The following ESRRG variants were observed in gnomAD, a reference collection of about 807,000 sequenced individuals.
ESRRG encodes estrogen-related receptor gamma.
A neutral mutation model predicts 44.0 loss-of-function variants in ESRRG; 13 were observed. The ratio of observed to expected loss-of-function variants is 0.30; its 90% CI spans 0.19 to 0.47. The LOEUF is 0.47. ESRRG is among the 20% of genes least tolerant of loss of function. ESRRG has a pLI of 1.00. For synonymous variants in ESRRG, 215 were observed against 214.6 expected (o/e 1.00, Z -0.02); for missense variants, 395 against 580.6 (o/e 0.68, Z 3.29).
chr1:216,924,333 G>C (rs1487590770), intron 2 of ESRRG, among the ~76,000 whole-genome samples: 1 of 152,048 alleles, frequency 6.6e-6, no homozygotes, highest in Non-Finnish European at 1.5e-5. Context: ...GGTTGAAAGG[G>C]GAGGCCAAAA....
chr1:217,081,221 C>CTTTCT (rs2091740083), intron 1 of ESRRG, among the ~76,000 whole-genome samples: 4 of 70,416 alleles, frequency 5.7e-5, no homozygotes, highest in Admixed American at 2.5e-4. Flanking sequence ...TAAAAATATT[C>CTTTCT]TTTTTTTTTT....
chr1:216,687,487 C>G (rs2078232431), intron 1 of ESRRG, among the ~76,000 whole-genome samples: 1 of 152,128 alleles, frequency 6.6e-6, no homozygotes, highest in African/African-American at 2.4e-5. Flanking sequence ...TTTTTTCCCT[C>G]TCTTCTATTT....
Position 216,890,504 on chromosome 1 carries a change from A to C in ESRRG, c.-14+49078T>G, listed in dbSNP as rs1487644422. Among the ~76,000 whole-genome samples the C allele has an allele frequency of 2.6e-5, 4 of 152,154 alleles. No homozygotes were observed. The East Asian group carries it at 7.7e-4, about 29-fold the overall frequency. ...TTCAGGAGTTTTTGGTCCAGAGGGG[A>C]AATCTTAAATATAACTGACCACTAT... On this transcript the variant is annotated intron_variant, in intron 2 of 7. Coordinates refer to the ESRRG transcript ENST00000359162.
rs374384101 is a variant in ESRRG, at chr1:216,735,995, T to A, written c.-13-58504A>T. Among the ~76,000 whole-genome samples the A allele has an allele frequency of 7.7e-4, 78 of 101,810 alleles. 1 individual carries two copies. Among genetic ancestry groups the A allele is most frequent in the Middle Eastern group, 4.9e-3 (1 of 204 alleles). The allele number at this position is 101,810 out of a possible 152,430, so 66.8% of individuals were successfully genotyped here. On this transcript the variant is annotated intron_variant, in intron 2 of 7. Transcript: ENST00000359162. Reference sequence around the variant, plus strand: ...TCCCCATCTCAAAAAAAAATATATATATATATATATATACACACATACATA... The same window carrying A: ...TCCCCATCTCAAAAAAAAATATATAAATATATATATATACACACATACATA...
At chr1:216,534,855 G>C (rs897251931) in intron 5 of ESRRG, among the ~76,000 whole-genome samples, 5 of 152,160 alleles carry the variant, frequency 3.3e-5, no homozygotes, top group African/African-American at 1.2e-4. Flanking sequence ...CCTTTTGACG[G>C]CATCAGCCTC....
intron 2 of ESRRG, among the ~76,000 whole-genome samples, chr1:216,782,197 C>A (rs12060645): frequency 0.015 from 2,222 of 152,184 alleles, 61 homozygotes; most frequent in African/African-American, 0.05. Flanking sequence ...CACAAGAGCT[C>A]TTACATACAA....
intron 3 of ESRRG, among the ~76,000 whole-genome samples, chr1:216,637,667 T>C (rs779901923): frequency 3.9e-5 from 6 of 152,240 alleles, no homozygotes; most frequent in Admixed American, 1.3e-4. Flanking sequence ...CTTGGGCAAG[T>C]TATTTATCAA....
chr1:216,903,679 A>T lies in ESRRG; in HGVS notation c.-14+35903T>A, dbSNP rs1039117033. Among the ~76,000 whole-genome samples the T allele has an allele frequency of 2.0e-5, 3 of 151,970 alleles. No individual in the cohort carries two copies. In the East Asian group the frequency reaches 5.8e-4, roughly 29 times the overall value. ...AAATACTCAGAGATGCAGAAGAGAA[A>T]AAAAAAACACTCTGAAGAGTAAGAA... On this transcript the variant is annotated intron_variant, in intron 2 of 7. Coordinates refer to the ESRRG transcript ENST00000359162.
intron 1 of ESRRG, among the ~76,000 whole-genome samples, chr1:217,040,813 T>TA (rs1302020845): frequency 6.6e-6 from 1 of 152,148 alleles, no homozygotes; most frequent in Non-Finnish European, 1.5e-5. Flanking sequence ...TCTTTGTACT[T>TA]ATGCTAGCTG....
intron 1 of ESRRG, among the ~76,000 whole-genome samples, chr1:216,978,930 G>A (rs1463629818): frequency 6.6e-6 from 1 of 151,986 alleles, no homozygotes; most frequent in Non-Finnish European, 1.5e-5. Flanking sequence ...AATATTCCCA[G>A]GTCCAAAAGC....
At chr1:216,570,451 T>A (rs2060576152) in intron 3 of ESRRG, among the ~76,000 whole-genome samples, 1 of 152,230 alleles carries the variant, frequency 6.6e-6, no homozygotes, top group South Asian at 2.1e-4. Context: ...TGCCTTCTAC[T>A]TCTCTCCACT....
intron 1 of ESRRG, among the ~76,000 whole-genome samples, chr1:216,978,617 C>T (rs772953604): frequency 1.3e-5 from 2 of 152,194 alleles, no homozygotes; most frequent in South Asian, 2.1e-4. Flanking sequence ...TCATGGACAA[C>T]CCAGTTTCTC....
intron 2 of ESRRG, among the ~76,000 whole-genome samples, chr1:216,730,182 G>GCATAGA (rs2088442873): frequency 6.6e-6 from 1 of 151,662 alleles, no homozygotes; most frequent in Non-Finnish European, 1.5e-5. Context: ...ATAGAACTCC[G>GCATAGA]ACAGAGATCT....
intron 1 of ESRRG, among the ~76,000 whole-genome samples, chr1:216,970,918 T>A (rs1207656587): frequency 6.6e-6 from 1 of 152,184 alleles, no homozygotes; most frequent in African/African-American, 2.4e-5. Flanking sequence ...TGAGCCCCTT[T>A]TTTTGACCCA....
intron 2 of ESRRG, among the ~76,000 whole-genome samples, chr1:216,750,612 G>T (rs925368557): frequency 2.6e-5 from 4 of 151,928 alleles, no homozygotes; most frequent in African/African-American, 9.7e-5. Flanking sequence ...TATAGGCTAG[G>T]ACCCTTTATA....
At chr1:217,087,919 CTCT>C (rs1249389601) in intron 1 of ESRRG, among the ~76,000 whole-genome samples, 1 of 152,144 alleles carries the variant, frequency 6.6e-6, no homozygotes, top group Non-Finnish European at 1.5e-5. Context: ...GTTTTCATGT[CTCT>C]TCTTCCTGTC....
chr1:216,734,794 C>T (rs1184258330), intron 2 of ESRRG, among the ~76,000 whole-genome samples: 1 of 151,932 alleles, frequency 6.6e-6, no homozygotes. Context: ...AATATATTTA[C>T]CCTTTCAAAA....
intron 2 of ESRRG, among the ~76,000 whole-genome samples, chr1:216,758,406 G>T (rs2092585580): frequency 6.6e-6 from 1 of 152,014 alleles, no homozygotes; most frequent in Admixed American, 6.6e-5. Context: ...CCTCAGACGT[G>T]GTTTGTTCTC....
At chr1:216,535,365 CA>C (rs1283576881) in intron 5 of ESRRG, among the ~76,000 whole-genome samples, 1 of 152,044 alleles carries the variant, frequency 6.6e-6, no homozygotes, top group East Asian at 1.9e-4. Context: ...TCAATATGGG[CA>C]GGGAAAACAT....
Sources: allele counts gnomAD v4.1 joint callset (sites outside exome capture counted in the v4.1 genomes callset), GRCh38; gene constraint gnomAD v4.1.1; transcripts MANE v1.5; gene names NCBI Gene and HGNC (gene_info 2026-07-23, HGNC 2026-07-21).